Variants in RBFOX1 observed in about 807,000 individuals in gnomAD.
RBFOX1 encodes the protein RNA binding fox-1 homolog 1.
A neutral mutation model predicts 57.7 loss-of-function variants in RBFOX1; 8 were observed. The observed-to-expected ratio is 0.14, with a 90% CI of 0.08 to 0.25. The LOEUF is 0.25. RBFOX1 is among the 10% of genes least tolerant of loss of function. The pLI is 1.00. For missense variants in RBFOX1, 611 were observed against 548.5 expected, an observed-to-expected ratio of 1.11 and a Z score of -1.14; for synonymous variants, 326 against 222.4, an observed-to-expected ratio of 1.47 and a Z score of -4.15.
chr16:5,301,618 C>CAAA (rs60501583), intron 1 of RBFOX1, among the ~76,000 whole-genome samples: 41,779 of 86,646 alleles, frequency 0.48, 10,149 homozygotes, highest in South Asian at 0.59. Context: ...GTCTCCATCT[C>CAAA]AAAAAAAAAA....
intron 4 of RBFOX1, among the ~76,000 whole-genome samples, chr16:7,269,116 C>G (rs922945496): frequency 6.7e-6 from 1 of 149,108 alleles, no homozygotes; most frequent in South Asian, 2.1e-4. Context: ...CATAGTCCTT[C>G]GTCTTCCTCT....
At chr16:6,248,287 A>G (rs547351278) in intron 1 of RBFOX1, among the ~76,000 whole-genome samples, 38 of 152,312 alleles carry the variant, frequency 2.5e-4, no homozygotes, top group Non-Finnish European at 3.1e-4. Context: ...ATAGGAAAAA[A>G]GAGAGGTGGC....
intron 3 of RBFOX1, among the ~76,000 whole-genome samples, chr16:5,614,909 G>C (rs1004675752): frequency 6.6e-6 from 1 of 152,220 alleles, no homozygotes; most frequent in African/African-American, 2.4e-5. Flanking sequence ...CACAGGGAGG[G>C]TGGGGGTTTG....
At chr16:7,488,880 T>C (rs1428610156) in intron 4 of RBFOX1, among the ~76,000 whole-genome samples, 1 of 152,238 alleles carries the variant, frequency 6.6e-6, no homozygotes, top group Non-Finnish European at 1.5e-5. Context: ...ACTTATCTAC[T>C]GTCATTTTAT....
At chr16:6,516,968 T>C (rs943006723) in intron 2 of RBFOX1, among the ~76,000 whole-genome samples, 2 of 152,158 alleles carry the variant, frequency 1.3e-5, no homozygotes, top group African/African-American at 4.8e-5. Context: ...GGGGCAGAGA[T>C]AAAGTATGAG....
At chr16:5,994,684 G>C (rs2060462161) in intron 4 of RBFOX1, among the ~76,000 whole-genome samples, 1 of 152,170 alleles carries the variant, frequency 6.6e-6, no homozygotes, top group African/African-American at 2.4e-5. Context: ...GAGTGTGTGT[G>C]GCTGTGTTCC....
chr16:5,476,194 T>C (rs2069316473), intron 2 of RBFOX1, among the ~76,000 whole-genome samples: 2 of 152,142 alleles, frequency 1.3e-5, no homozygotes, highest in South Asian at 2.1e-4. Flanking sequence ...GCAATGCATG[T>C]TACATACCTT....
chr16:6,871,961 G>C (rs1006145066), intron 3 of RBFOX1, among the ~76,000 whole-genome samples: 1 of 129,658 alleles, frequency 7.7e-6, no homozygotes, highest in Non-Finnish European at 1.7e-5. Context: ...GTGTGTGTGT[G>C]TTTCCCTCGG....
chr16:6,842,592 A>T (rs2093539302), intron 3 of RBFOX1, among the ~76,000 whole-genome samples: 1 of 150,128 alleles, frequency 6.7e-6, no homozygotes, highest in South Asian at 2.1e-4. Context: ...AGACATACTT[A>T]ATTTATGTAT....
chr16:5,767,714 G>A (rs1162153275), intron 3 of RBFOX1, among the ~76,000 whole-genome samples: 1 of 152,206 alleles, frequency 6.6e-6, no homozygotes, highest in East Asian at 1.9e-4. Flanking sequence ...ATGAAGCTTT[G>A]TTGACAGGGG....
rs566619164 is a variant in RBFOX1, at chr16:7,658,705, A to G, written c.890+4758A>G. ...ACCGTGCATATTTCATGTGAGTACA[A>G]TGGGGTGCTCTAATGGAGCATCACA... On this transcript the variant is annotated intron_variant, in intron 12 of 15. Coordinates refer to ENST00000550418, the MANE Select transcript of RBFOX1 (RefSeq NM_018723.4). Among the ~76,000 whole-genome samples, 6 of 152,298 alleles carry G rather than the reference A, an allele frequency of 3.9e-5. No homozygotes were observed. The South Asian group carries it at 1.2e-3, about 32-fold the overall frequency.
At chr16:5,941,027 T>A (rs767074342) in intron 4 of RBFOX1, among the ~76,000 whole-genome samples, 3 of 152,162 alleles carry the variant, frequency 2.0e-5, no homozygotes, top group Non-Finnish European at 4.4e-5. Flanking sequence ...TATCTACTGG[T>A]GGGTTGTTGT....
intron 3 of RBFOX1, among the ~76,000 whole-genome samples, chr16:5,709,991 T>A (rs2051424774): frequency 6.7e-6 from 1 of 150,098 alleles, no homozygotes; most frequent in South Asian, 2.1e-4. Flanking sequence ...GGTCTCTAAC[T>A]CAGGCGCATT....
intron 4 of RBFOX1, among the ~76,000 whole-genome samples, chr16:7,082,480 G>A (rs924965378): frequency 6.6e-6 from 1 of 151,750 alleles, no homozygotes; most frequent in African/African-American, 2.4e-5. Flanking sequence ...TACTTGGGAG[G>A]CTGAGATGGG....
chr16:6,483,141 A>C, intron 2 of RBFOX1: 1 of 1,058,128 alleles, frequency 9.5e-7, no homozygotes, highest in Non-Finnish European at 1.1e-6. Flanking sequence ...CCCAGCTGCA[A>C]GAGTTTGCAA....
At chr16:5,464,624 G>C (rs1362868143) in intron 1 of RBFOX1, among the ~76,000 whole-genome samples, 1 of 89,756 alleles carries the variant, frequency 1.1e-5, no homozygotes, top group African/African-American at 4.2e-5. Context: ...CTCCTCCCCA[G>C]ACTGTAGGGC....
At chr16:6,948,142 T>C (rs890960491) in intron 3 of RBFOX1, among the ~76,000 whole-genome samples, 2 of 151,980 alleles carry the variant, frequency 1.3e-5, no homozygotes, top group Non-Finnish European at 2.9e-5. Context: ...AATAGAAACA[T>C]GCCTTTCAGC....
At chr16:6,633,246 A>T (rs1272452318) in intron 2 of RBFOX1, among the ~76,000 whole-genome samples, 1 of 152,076 alleles carries the variant, frequency 6.6e-6, no homozygotes, top group Non-Finnish European at 1.5e-5. Flanking sequence ...CCTCTCCAAT[A>T]GGTGCACAGA....
intron 2 of RBFOX1, among the ~76,000 whole-genome samples, chr16:6,419,925 G>A (rs1223228056): frequency 1.3e-5 from 2 of 152,124 alleles, no homozygotes; most frequent in African/African-American, 4.8e-5. Flanking sequence ...AATGCACGGA[G>A]AGTCAAAGAC....
Sources: allele counts gnomAD v4.1 joint callset (sites outside exome capture counted in the v4.1 genomes callset), GRCh38; gene constraint gnomAD v4.1.1; transcripts MANE v1.5; gene names NCBI Gene and HGNC (gene_info 2026-07-23, HGNC 2026-07-21).